BTRC: variants seen among roughly 807,000 people sequenced by gnomAD.
BTRC encodes the protein beta-transducin repeat containing E3 ubiquitin protein ligase.
Under a neutral mutation model 85.5 loss-of-function variants are expected in BTRC, and 42 were observed. The ratio of observed to expected loss-of-function variants is 0.49; its 90% CI spans 0.38 to 0.64. The LOEUF (loss-of-function observed/expected upper bound fraction) is 0.64. BTRC is among the 30% of genes least tolerant of loss of function. The probability of loss-of-function intolerance (pLI) is 0.00; values close to 1 mark genes in which losing one functional copy is unlikely to be tolerated. For missense variants in BTRC, 594 were observed against 743.5 expected (o/e 0.80, Z 2.34); for synonymous variants, 255 against 263.3 (o/e 0.97, Z 0.30).
rs146804594 is a variant in BTRC at position 101,385,615 on chromosome 10, C to CTTTTT, written c.48+31389_48+31390insTTTTT. On this transcript the variant is annotated intron_variant, in intron 1 of 14. Coordinates refer to ENST00000370187, the MANE Select transcript of BTRC (RefSeq NM_033637.4). ...TTTTCTTTGTTCTTTCTTTCTTCTT[C>CTTTTT]TTCTTTTTTTTTTTTTTTGTGTGTT... Among the ~76,000 whole-genome samples the CTTTTT allele has an allele frequency of 5.4e-3, 262 of 48,782 alleles. 5 individuals are homozygous for CTTTTT. The highest frequency in any genetic ancestry group is 0.012 in the East Asian group (31 of 2,514). 32.0% of individuals were successfully genotyped at this position (48,782 alleles called of 152,430 possible). A position where few individuals can be genotyped will look rare whatever the true frequency, so the allele number is the denominator to read the frequency against.
chr10:101,448,333 C>T (rs1355273812), intron 2 of BTRC, among the ~76,000 whole-genome samples: 1 of 152,094 alleles, frequency 6.6e-6, no homozygotes, highest in African/African-American at 2.4e-5. Context: ...ACAACAAAAA[C>T]TCAACAAGGT....
At chr10:101,523,112 GAGAATC>G (rs1231332248) in intron 5 of BTRC, among the ~76,000 whole-genome samples, 1 of 152,112 alleles carries the variant, frequency 6.6e-6, no homozygotes, top group African/African-American at 2.4e-5. Context: ...ACTGGGGCAG[GAGAATC>G]GCTTGAACCC....
At chr10:101,495,710 A>G (rs1326218482) in intron 4 of BTRC, among the ~76,000 whole-genome samples, 2 of 152,242 alleles carry the variant, frequency 1.3e-5, no homozygotes, top group Non-Finnish European at 2.9e-5. Flanking sequence ...TCTATAGCCA[A>G]ACAGAACTGT....
chr10:101,467,972 C>T (rs1322254348), intron 3 of BTRC, among the ~76,000 whole-genome samples: 21 of 152,132 alleles, frequency 1.4e-4, no homozygotes, highest in Admixed American at 3.9e-4. Context: ...CCAAATCTGA[C>T]GAAGTGATTT....
intron 13 of BTRC, among the ~76,000 whole-genome samples, chr10:101,549,347 C>T (rs558127489): frequency 1.1e-4 from 16 of 151,062 alleles, no homozygotes; most frequent in African/African-American, 3.9e-4. Context: ...AGGAAAATCA[C>T]TTGAGCCCAG....
chr10:101,549,490 G>A (rs910710300), intron 13 of BTRC, among the ~76,000 whole-genome samples: 24 of 151,184 alleles, frequency 1.6e-4, no homozygotes, highest in Non-Finnish European at 2.9e-4. Flanking sequence ...CGAGGCGGGT[G>A]GATCACGAGG....
At chr10:101,435,079 T>A (rs1396479005) in intron 2 of BTRC, among the ~76,000 whole-genome samples, 1 of 152,114 alleles carries the variant, frequency 6.6e-6, no homozygotes, top group Admixed American at 6.6e-5. Context: ...AGAAACTGGA[T>A]TTGAATCTAG....
rs2134506328 is a variant in BTRC at position 101,556,230 on chromosome 10, C to T, written c.*3107C>T. 6.6e-6 allele frequency: 1 copy of T among 152,128 alleles called. No individual in the cohort carries two copies. Among genetic ancestry groups the T allele is most frequent in the South Asian group, 2.1e-4 (1 of 4,816 alleles). The allele number at this position is 152,128 out of a possible 1,614,324, so 9.4% of individuals were successfully genotyped here. ...AATCCTTTTTTATTTTTCTTCTGTA[C>T]AGTCTAAAGCTACAGAGAAAAAAAA... On this transcript the variant is annotated 3_prime_UTR_variant, in exon 15 of 15. Coordinates refer to ENST00000370187, the MANE Select transcript of BTRC (RefSeq NM_033637.4).
chr10:101,429,339 A>C (rs755226162), intron 1 of BTRC, among the ~76,000 whole-genome samples: 30 of 152,098 alleles, frequency 2.0e-4, no homozygotes, highest in Non-Finnish European at 3.5e-4. Flanking sequence ...TACTAATGTC[A>C]GTTACTTAGA....
chr10:101,387,052 C>T (rs1943097663), intron 1 of BTRC, among the ~76,000 whole-genome samples: 1 of 152,134 alleles, frequency 6.6e-6, no homozygotes, highest in African/African-American at 2.4e-5. Context: ...CATCAATCTG[C>T]AGTGTTATCT....
chr10:101,450,642 G>A (rs761953330), intron 2 of BTRC, among the ~76,000 whole-genome samples: 6 of 152,068 alleles, frequency 3.9e-5, no homozygotes, highest in African/African-American at 9.7e-5. Context: ...TAGTACAGCC[G>A]AGTTGTTCAG....
At chr10:101,508,320 A>C (rs961904454) in intron 4 of BTRC, among the ~76,000 whole-genome samples, 5 of 152,180 alleles carry the variant, frequency 3.3e-5, no homozygotes, top group Non-Finnish European at 5.9e-5. Flanking sequence ...GGTTATTAGA[A>C]ATCATTCAGA....
chr10:101,483,432 A>G lies in BTRC; in HGVS notation c.324+3975A>G, dbSNP rs577868768. 9.2e-5 allele frequency among the ~76,000 whole-genome samples: 14 copies of G among 152,282 alleles called. No homozygotes were observed. In the East Asian group the frequency reaches 2.7e-3, roughly 29 times the overall value. ...ACATGGTGAAACCCTGTCTATACTAAAAGTATAAAAATTAGCTGGGCGTGG... is the reference window on the plus strand; with the variant it reads ...ACATGGTGAAACCCTGTCTATACTAGAAGTATAAAAATTAGCTGGGCGTGG... On this transcript the variant is annotated intron_variant, in intron 4 of 14. Transcript: ENST00000370187.
chr10:101,391,986 C>A (rs915588977), intron 1 of BTRC, among the ~76,000 whole-genome samples: 1 of 147,556 alleles, frequency 6.8e-6, no homozygotes, highest in African/African-American at 2.5e-5. Flanking sequence ...AACTAATATT[C>A]TTTTTTTTTT....
At chr10:101,464,095 A>G (rs148458342) in intron 3 of BTRC, among the ~76,000 whole-genome samples, 1 of 152,332 alleles carries the variant, frequency 6.6e-6, no homozygotes, top group Non-Finnish European at 1.5e-5. Flanking sequence ...AAGTAGGAAC[A>G]CTCTGCCCAC....
At chr10:101,385,489 G>T (rs1340784180) in intron 1 of BTRC, among the ~76,000 whole-genome samples, 5 of 150,782 alleles carry the variant, frequency 3.3e-5, no homozygotes, top group African/African-American at 9.7e-5. Context: ...TGTATCATTT[G>T]TCTTATCTAA....
chr10:101,360,475 G>A (rs1403128772), intron 1 of BTRC, among the ~76,000 whole-genome samples: 1 of 151,276 alleles, frequency 6.6e-6, no homozygotes, highest in African/African-American at 2.4e-5. Context: ...CCAGGTTCAG[G>A]CAATTCTCCT....
At chr10:101,465,701 A>G (rs9419910) in intron 3 of BTRC, among the ~76,000 whole-genome samples, 55,902 of 152,044 alleles carry the variant, frequency 0.37, 11,521 homozygotes, top group Middle Eastern at 0.49. Context: ...CCCGACAAAG[A>G]TATTACCAGA....
chr10:101,449,480 C>T (rs1377240570), intron 2 of BTRC, among the ~76,000 whole-genome samples: 1 of 152,050 alleles, frequency 6.6e-6, no homozygotes, highest in African/African-American at 2.4e-5. Context: ...TCTTAATTTA[C>T]ACAAAACTAT....
Sources: allele counts gnomAD v4.1 joint callset (sites outside exome capture counted in the v4.1 genomes callset), GRCh38; gene constraint gnomAD v4.1.1; transcripts MANE v1.5; gene names NCBI Gene and HGNC (gene_info 2026-07-23, HGNC 2026-07-21).